Variants in TMPRSS11A observed in about 807,000 individuals in gnomAD.
TMPRSS11A encodes transmembrane serine protease 11A, also known as transmembrane protease serine 11A.
A neutral mutation model predicts 58.9 loss-of-function variants in TMPRSS11A; 53 were observed. The ratio of observed to expected loss-of-function variants is 0.90; its 90% CI spans 0.72 to 1.13. The LOEUF is 1.13. TMPRSS11A is among the 50% of genes most tolerant of loss of function. The pLI is 0.00. For synonymous variants in TMPRSS11A, 167 were observed against 169.8 expected (o/e 0.98, Z 0.13); for missense variants, 493 against 499.3 (o/e 0.99, Z 0.12).
chr4:67,944,416 A>T (rs952412297), intron 3 of TMPRSS11A, 103 bp downstream of exon 3: 8 of 1,342,166 alleles, frequency 6.0e-6, no homozygotes, highest in Non-Finnish European at 6.2e-6. Context: ...GATGATTCTA[A>T]TGTTGGCGGT....
intron 3 of TMPRSS11A, among the ~76,000 whole-genome samples, chr4:67,933,862 T>TA (rs1720688926): frequency 6.6e-6 from 1 of 152,200 alleles, no homozygotes; most frequent in Non-Finnish European, 1.5e-5. Context: ...GTTTGTTTTG[T>TA]AATTACCCTC....
intron 5 of TMPRSS11A, among the ~76,000 whole-genome samples, chr4:67,927,224 C>A (rs903079311): frequency 6.6e-6 from 1 of 152,162 alleles, no homozygotes; most frequent in Admixed American, 6.5e-5. Flanking sequence ...CCCTTGCTGG[C>A]CACATTGTGG....
chr4:67,935,704 T>A (rs1720735793), intron 3 of TMPRSS11A, among the ~76,000 whole-genome samples: 1 of 152,170 alleles, frequency 6.6e-6, no homozygotes, highest in Non-Finnish European at 1.5e-5. Context: ...AAGGTGAGAA[T>A]TTATTTATCA....
chr4:67,914,937 C>T (rs1720108381), intron 8 of TMPRSS11A, among the ~76,000 whole-genome samples: 1 of 152,134 alleles, frequency 6.6e-6, no homozygotes, highest in East Asian at 1.9e-4. Context: ...ATAAAAACTT[C>T]TCAAAGCAAG....
At chr4:67,961,510 T>C (rs1470286144) in intron 1 of TMPRSS11A, among the ~76,000 whole-genome samples, 8,581 of 41,090 alleles carry the variant, frequency 0.21, 1,087 homozygotes, top group Non-Finnish European at 0.29. Context: ...TTTTTTTTTT[T>C]TTTTTTTTTT....
intron 3 of TMPRSS11A, among the ~76,000 whole-genome samples, chr4:67,938,922 C>T (rs1720814257): frequency 6.7e-6 from 1 of 149,992 alleles, no homozygotes; most frequent in Non-Finnish European, 1.5e-5. Flanking sequence ...ATGAAATTTA[C>T]AAAAGCTTTT....
At chr4:67,930,808 CTTTT>C (rs67302217) in intron 4 of TMPRSS11A, among the ~76,000 whole-genome samples, 3 of 51,162 alleles carry the variant, frequency 5.9e-5, no homozygotes, top group Admixed American at 5.9e-4. Flanking sequence ...GTTATCTCTC[CTTTT>C]TTTTTTTTTT....
At chr4:67,912,642 T>C (rs1560561207) in intron 9 of TMPRSS11A, among the ~76,000 whole-genome samples, 2 of 152,184 alleles carry the variant, frequency 1.3e-5, no homozygotes, top group South Asian at 2.1e-4. Flanking sequence ...CCTTTGAAAT[T>C]TGAATGTGTT....
At chr4:67,916,740 T>C (rs890771318) in intron 8 of TMPRSS11A, among the ~76,000 whole-genome samples, 1 of 152,002 alleles carries the variant, frequency 6.6e-6, no homozygotes, top group Admixed American at 6.6e-5. Context: ...GGCAGGAGAA[T>C]GGCGTGAACC....
At chr4:67,918,746 CT>C (rs1014573529) in intron 8 of TMPRSS11A, among the ~76,000 whole-genome samples, 1 of 152,152 alleles carries the variant, frequency 6.6e-6, no homozygotes, top group African/African-American at 2.4e-5. Flanking sequence ...ACTTACTACA[CT>C]TTTTTGACTT....
chr4:67,924,094 A>C, intron 6 of TMPRSS11A, 34 bp downstream of exon 6: 3 of 1,588,122 alleles, frequency 1.9e-6, no homozygotes, highest in Non-Finnish European at 2.6e-6. Flanking sequence ...TGATGTGAAA[A>C]TTGAACTTGT....
rs760034611 is a variant in TMPRSS11A, at chr4:67,919,180, G to A, written c.745C>T (p.Pro249Ser). The A allele has an allele frequency of 1.9e-6, 3 of 1,614,130 alleles. No homozygotes were observed. Among genetic ancestry groups the A allele is most frequent in the African/African-American group, 2.7e-5 (2 of 75,028 alleles). ...CTTCTGACATTTCTTTTCATTAAGG[G>A]AGGGTTGATTTTTGTTCCAAAACTA... is the stretch of plus-strand genomic sequence containing the variant. Reference protein sequence around the residue: ...TVSFGTKINPPLMKRNVRRFI... With the variant: ...TVSFGTKINPSLMKRNVRRFI... The change falls in exon 8 of 10, where the codon CCC (proline) becomes TCC (serine). Residue 249 changes from proline to serine, a missense_variant. Pro to Ser is a moderately conservative substitution (Grantham distance 74). Transcript: ENST00000508048.
intron 2 of TMPRSS11A, among the ~76,000 whole-genome samples, chr4:67,944,946 A>T (rs1034526337): frequency 6.6e-6 from 1 of 152,188 alleles, no homozygotes; most frequent in African/African-American, 2.4e-5. Flanking sequence ...GGCATTAAGT[A>T]AATTGTTCTG....
chr4:67,957,250 G>T (rs1366571341), intron 1 of TMPRSS11A, among the ~76,000 whole-genome samples: 1 of 152,204 alleles, frequency 6.6e-6, no homozygotes, highest in Non-Finnish European at 1.5e-5. Context: ...AGCAACTTTG[G>T]AACTGGGTAA....
chr4:67,958,414 A>AGACAAG (rs1721341329), intron 1 of TMPRSS11A, among the ~76,000 whole-genome samples: 1 of 152,224 alleles, frequency 6.6e-6, no homozygotes. Context: ...CCTGCATGTG[A>AGACAAG]GACAAGGACC....
chr4:67,957,766 G>A (rs1721321688), intron 1 of TMPRSS11A, among the ~76,000 whole-genome samples: 1 of 152,144 alleles, frequency 6.6e-6, no homozygotes, highest in South Asian at 2.1e-4. Context: ...ATGGGAAAAT[G>A]TCTCCAGGGC....
rs779693447 is a variant in TMPRSS11A, at chr4:67,929,985, T to C, written c.376A>G (p.Thr126Ala). ...DVIMVFQFPS[T>A]EQRAVREKKI... is the part of the protein sequence containing the mutation. Reference sequence around the variant, plus strand: ...TTCTCTCTTACTGCCCTTTGTTCAGTAGAGGGGAACTGGAACACCATAATG... The same window carrying C: ...TTCTCTCTTACTGCCCTTTGTTCAGCAGAGGGGAACTGGAACACCATAATG... The change falls in exon 5 of 10, where the codon ACT becomes GCT. Residue 126 changes from threonine (T) to alanine (A), a missense_variant. Transcript: ENST00000508048. 4 of 1,613,746 alleles carry C rather than the reference T, an allele frequency of 2.5e-6. No individual in the cohort carries two copies. The highest frequency in any genetic ancestry group is 3.4e-6 in the Non-Finnish European group (4 of 1,179,696).
At chr4:67,931,480 C>A (rs1720618384) in intron 4 of TMPRSS11A, among the ~76,000 whole-genome samples, 1 of 152,108 alleles carries the variant, frequency 6.6e-6, no homozygotes, top group African/African-American at 2.4e-5. Flanking sequence ...TATGAGTCTT[C>A]CCCCTCCACC....
chr4:67,928,297 C>T (rs145380021), intron 5 of TMPRSS11A, among the ~76,000 whole-genome samples: 3,717 of 152,264 alleles, frequency 0.024, 160 homozygotes, highest in African/African-American at 0.085. Flanking sequence ...CCACCCGCCT[C>T]GGCCTCCCAA....
Sources: gnomAD v4.1 joint callset for allele counts (sites outside exome capture counted in the v4.1 genomes callset) on GRCh38, gnomAD v4.1.1 for gene constraint, MANE v1.5 for transcripts, NCBI Gene and HGNC (gene_info 2026-07-23, HGNC 2026-07-21) for gene names.